AGBL4: variants seen among roughly 807,000 people sequenced by gnomAD.
AGBL4 encodes AGBL carboxypeptidase 4.
A neutral mutation model predicts 66.4 loss-of-function variants in AGBL4; 58 were observed. The observed-to-expected ratio is 0.87, with a 90% confidence interval of 0.71 to 1.09. The LOEUF (loss-of-function observed/expected upper bound fraction) is 1.09. AGBL4 is among the 50% of genes least tolerant of loss of function. AGBL4 has a pLI of 0.00. For synonymous variants in AGBL4, 234 were observed against 222.9 expected (o/e 1.05, Z -0.44); for missense variants, 579 against 631.0 (o/e 0.92, Z 0.88).
chr1:49,247,504 G>A (rs1429197117), intron 3 of AGBL4, among the ~76,000 whole-genome samples: 1 of 151,956 alleles, frequency 6.6e-6, no homozygotes, highest in South Asian at 2.1e-4. Context: ...CTTCTCTCAG[G>A]GTCTTGGCTA....
chr1:49,513,789 C>T (rs888214853), intron 3 of AGBL4, among the ~76,000 whole-genome samples: 7 of 151,856 alleles, frequency 4.6e-5, no homozygotes, highest in South Asian at 2.1e-4. Context: ...TTTCTTGCTG[C>T]GCTGGGTCAA....
chr1:49,719,007 T>A (rs2124681596), intron 2 of AGBL4, among the ~76,000 whole-genome samples: 1 of 152,246 alleles, frequency 6.6e-6, no homozygotes, highest in Non-Finnish European at 1.5e-5. Context: ...CTAAAAATGT[T>A]AATTGAAATG....
intron 3 of AGBL4, among the ~76,000 whole-genome samples, chr1:49,651,475 G>A (rs952004903): frequency 6.6e-6 from 1 of 152,140 alleles, no homozygotes; most frequent in African/African-American, 2.4e-5. Flanking sequence ...ATGTAAGACA[G>A]ACGCTTCCTG....
intron 6 of AGBL4, among the ~76,000 whole-genome samples, chr1:48,729,931 G>A (rs938000094): frequency 2.6e-5 from 4 of 152,142 alleles, no homozygotes; most frequent in Admixed American, 6.5e-5. Flanking sequence ...TGTCTCTCCA[G>A]TCCCACCTCT....
At position 48,790,360 on chromosome 1, in the gene AGBL4, G is replaced by C. The variant is rs955275050; in HGVS notation, c.634+76831C>G. Among the ~76,000 whole-genome samples the C allele has an allele frequency of 1.3e-4, 12 of 91,836 alleles. No individual in the cohort carries two copies. The East Asian group carries it at 3.4e-3, about 26-fold the overall frequency. 60.2% of individuals were successfully genotyped at this position (91,836 alleles called of 152,430 possible). A position where few individuals can be genotyped will look rare whatever the true frequency, so the allele number is the denominator to read the frequency against. ...CACAAATGAAGAAAGGCAGAGTTTT[G>C]CATGCAAAAAGGGGGAAAAAATCTT... On this transcript the variant is annotated intron_variant, in intron 6 of 13. Transcript: ENST00000371839.
At chr1:49,380,480 A>T (rs1443494182) in intron 3 of AGBL4, among the ~76,000 whole-genome samples, 1 of 152,138 alleles carries the variant, frequency 6.6e-6, no homozygotes, top group Non-Finnish European at 1.5e-5. Context: ...TCTTCACAGA[A>T]TTGGAAAAAA....
chr1:49,588,471 G>T (rs1471792719), intron 3 of AGBL4, among the ~76,000 whole-genome samples: 1 of 152,140 alleles, frequency 6.6e-6, no homozygotes, highest in Non-Finnish European at 1.5e-5. Flanking sequence ...TGAAGACACT[G>T]CTCAAGGCCT....
intron 1 of AGBL4, among the ~76,000 whole-genome samples, chr1:49,853,416 T>C (rs1646354737): frequency 6.6e-6 from 1 of 151,936 alleles, no homozygotes; most frequent in South Asian, 2.1e-4. Context: ...AAACTTTAGA[T>C]CAATAAAAAT....
intron 2 of AGBL4, among the ~76,000 whole-genome samples, chr1:49,730,906 GA>G (rs1314136962): frequency 6.6e-6 from 1 of 152,158 alleles, no homozygotes; most frequent in Non-Finnish European, 1.5e-5. Flanking sequence ...ATTTATTAAT[GA>G]ATGAAGGTAA....
chr1:49,073,375 T>G (rs1644648479), intron 4 of AGBL4, among the ~76,000 whole-genome samples: 1 of 152,234 alleles, frequency 6.6e-6, no homozygotes, highest in Non-Finnish European at 1.5e-5. Context: ...TCTCCCCATC[T>G]TTGTGGTTTT....
chr1:48,902,153 A>C (rs1326225496), intron 5 of AGBL4, among the ~76,000 whole-genome samples: 1 of 152,218 alleles, frequency 6.6e-6, no homozygotes, highest in Non-Finnish European at 1.5e-5. Flanking sequence ...ATTCAAGCTG[A>C]GATTTGGGTG....
chr1:49,053,693 A>C (rs1452222957), intron 4 of AGBL4, among the ~76,000 whole-genome samples: 3 of 152,154 alleles, frequency 2.0e-5, no homozygotes, highest in African/African-American at 7.2e-5. Context: ...TTTAGTTAAA[A>C]TTCTTAAAAA....
chr1:49,480,996 G>A (rs1488905841), intron 3 of AGBL4, among the ~76,000 whole-genome samples: 2 of 151,982 alleles, frequency 1.3e-5, no homozygotes, highest in South Asian at 2.1e-4. Context: ...ATTGGTCTAT[G>A]TGTGTGTTTT....
At chr1:49,714,291 A>G (rs1423496847) in intron 2 of AGBL4, among the ~76,000 whole-genome samples, 1 of 151,934 alleles carries the variant, frequency 6.6e-6, no homozygotes, top group African/African-American at 2.4e-5. Flanking sequence ...TTTTCAGTGT[A>G]GCCATCACCT....
chr1:48,853,310 G>C (rs1206448005), intron 6 of AGBL4, among the ~76,000 whole-genome samples: 1 of 152,124 alleles, frequency 6.6e-6, no homozygotes, highest in Non-Finnish European at 1.5e-5. Context: ...ATAACCTCAT[G>C]AGAGACCCCA....
At chr1:49,750,869 T>G (rs1039218719) in intron 2 of AGBL4, among the ~76,000 whole-genome samples, 2 of 152,214 alleles carry the variant, frequency 1.3e-5, no homozygotes, top group African/African-American at 4.8e-5. Context: ...GAGAGTTCAC[T>G]CATGAGTTGG....
intron 3 of AGBL4, among the ~76,000 whole-genome samples, chr1:49,495,550 A>G (rs571142543): frequency 6.6e-6 from 1 of 152,120 alleles, no homozygotes; most frequent in South Asian, 2.1e-4. Flanking sequence ...AAGGAACAAA[A>G]AAAAAAACCA....
chr1:49,742,996 G>T (rs924520592), intron 2 of AGBL4, among the ~76,000 whole-genome samples: 5 of 152,100 alleles, frequency 3.3e-5, no homozygotes, highest in Non-Finnish European at 2.9e-5. Context: ...CATGGGCAAG[G>T]ACTTCATGTC....
At chr1:49,873,866 T>A (rs974941495) in intron 1 of AGBL4, among the ~76,000 whole-genome samples, 3 of 152,100 alleles carry the variant, frequency 2.0e-5, no homozygotes, top group Non-Finnish European at 4.4e-5. Flanking sequence ...CCAGCAAGAT[T>A]TTTTTTGTAG....
Sources: gnomAD v4.1 joint callset for allele counts (sites outside exome capture counted in the v4.1 genomes callset) on GRCh38, gnomAD v4.1.1 for gene constraint, MANE v1.5 for transcripts, NCBI Gene and HGNC (gene_info 2026-07-23, HGNC 2026-07-21) for gene names.